LRRTM4: variants seen among roughly 807,000 people sequenced by gnomAD.
The protein encoded by LRRTM4 is leucine rich repeat transmembrane neuronal 4, also known as leucine-rich repeat transmembrane neuronal protein 4.
A neutral mutation model predicts 47.6 loss-of-function variants in LRRTM4; 25 were observed. That is an observed-to-expected ratio of 0.53 (90% CI 0.38 to 0.73). The LOEUF (loss-of-function observed/expected upper bound fraction) is 0.73. Among genes scored for constraint, LRRTM4 ranks in the 30% least tolerant of loss-of-function variants. The pLI, the probability that LRRTM4 is intolerant of heterozygous loss-of-function variation, is 0.00. For synonymous variants in LRRTM4, 311 were observed against 269.5 expected (o/e 1.15, Z -1.51); for missense variants, 638 against 713.4 (o/e 0.89, Z 1.20).
At chr2:77,222,768 TACCAGAGGTAGA>T (rs1387229241) in intron 3 of LRRTM4, among the ~76,000 whole-genome samples, 12 of 152,206 alleles carry the variant, frequency 7.9e-5, no homozygotes, top group Non-Finnish European at 1.6e-4. Flanking sequence ...AGCCGAATTC[TACCAGAGGTAGA>T]AGGAGGAGCT....
intron 3 of LRRTM4, among the ~76,000 whole-genome samples, chr2:77,250,970 G>T (rs1675585784): frequency 6.6e-6 from 1 of 151,918 alleles, no homozygotes; most frequent in Non-Finnish European, 1.5e-5. Context: ...GGGCATGGTG[G>T]TGCATGCCTG....
chr2:77,145,948 T>A (rs1672251119), intron 3 of LRRTM4, among the ~76,000 whole-genome samples: 1 of 152,142 alleles, frequency 6.6e-6, no homozygotes, highest in South Asian at 2.1e-4. Flanking sequence ...TTTGTCAAAT[T>A]CCATCACTGT....
rs552690739 is a variant in LRRTM4 at position 77,001,548 on chromosome 2, G to T, written c.1552-252632C>A. ...ATACTTCTTTATGGATAGAAGGCAA[G>T]AACAGAATCAATAAACAGCGCAAAA... On this transcript the variant is annotated intron_variant, in intron 3 of 3. Transcript: ENST00000409884. Among the ~76,000 whole-genome samples, 10 of 152,228 alleles carry T rather than the reference G, an allele frequency of 6.6e-5. No homozygotes were observed. The East Asian group carries it at 1.5e-3, about 24-fold the overall frequency.
At chr2:77,362,158 A>AAGGAAGGAAGGAAGG (rs1558707399) in intron 3 of LRRTM4, among the ~76,000 whole-genome samples, 5 of 136,464 alleles carry the variant, frequency 3.7e-5, no homozygotes, top group African/African-American at 1.8e-4. Flanking sequence ...AGAAAGAAAG[A>AAGGAAGGAAGGAAGG]AAGAAAGAAA....
At chr2:76,861,078 ACT>A (rs1403293514) in intron 3 of LRRTM4, among the ~76,000 whole-genome samples, 4 of 152,074 alleles carry the variant, frequency 2.6e-5, no homozygotes, top group Non-Finnish European at 5.9e-5. Context: ...GATCTTACTT[ACT>A]ATTTACTGGT....
intron 3 of LRRTM4, among the ~76,000 whole-genome samples, chr2:77,041,272 A>C (rs1679023798): frequency 6.6e-6 from 1 of 151,596 alleles, no homozygotes; most frequent in African/African-American, 2.4e-5. Context: ...CTTATGGCCA[A>C]ATAGTATTTT....
At chr2:77,337,745 T>TA (rs1329169532) in intron 3 of LRRTM4, among the ~76,000 whole-genome samples, 1 of 152,060 alleles carries the variant, frequency 6.6e-6, no homozygotes, top group Non-Finnish European at 1.5e-5. Flanking sequence ...CAGTCTCCGG[T>TA]ATTTCTTTAT....
At position 77,002,728 on chromosome 2, in the gene LRRTM4, C is replaced by A. The variant is rs113151718; in HGVS notation, c.1552-253812G>T. Reference sequence around the variant, plus strand: ...TGCTTCCTTGGTGTCCTTGCTCTCACCTCCTCCCAAGATTGTCTTTTTCTC... The same window carrying A: ...TGCTTCCTTGGTGTCCTTGCTCTCAACTCCTCCCAAGATTGTCTTTTTCTC... On this transcript the variant is annotated intron_variant, in intron 3 of 3. Coordinates refer to ENST00000409884, the MANE Select transcript of LRRTM4 (RefSeq NM_001134745.3). Among the ~76,000 whole-genome samples the A allele has an allele frequency of 3.3e-5, 5 of 152,226 alleles. 1 individual carries two copies. Among genetic ancestry groups the A allele is most frequent in the African/African-American group, 1.2e-4 (5 of 41,542 alleles).
At chr2:77,168,676 C>T (rs976073448) in intron 3 of LRRTM4, among the ~76,000 whole-genome samples, 8 of 152,094 alleles carry the variant, frequency 5.3e-5, no homozygotes, top group African/African-American at 1.9e-4. Flanking sequence ...TGTTTGTACT[C>T]ATTAACCAAC....
At chr2:77,463,377 G>A (rs747160960) in intron 3 of LRRTM4, among the ~76,000 whole-genome samples, 1 of 152,004 alleles carries the variant, frequency 6.6e-6, no homozygotes, top group Non-Finnish European at 1.5e-5. Context: ...GTATTTTCAT[G>A]AATACGCTGT....
At chr2:77,451,588 T>C (rs1408213024) in intron 3 of LRRTM4, among the ~76,000 whole-genome samples, 3 of 152,244 alleles carry the variant, frequency 2.0e-5, no homozygotes, top group African/African-American at 7.2e-5. Context: ...AGGTCTACAC[T>C]ATACTTGTAA....
intron 3 of LRRTM4, among the ~76,000 whole-genome samples, chr2:77,162,463 G>A (rs1049054341): frequency 1.3e-5 from 2 of 152,176 alleles, no homozygotes; most frequent in African/African-American, 2.4e-5. Flanking sequence ...TGACAGCTTT[G>A]AAGAGAGTAA....
At chr2:77,339,757 C>T (rs1318708413) in intron 3 of LRRTM4, among the ~76,000 whole-genome samples, 6 of 151,874 alleles carry the variant, frequency 4.0e-5, no homozygotes. Context: ...AGCTACATAT[C>T]CTTTTTCATA....
At chr2:77,007,051 G>A (rs2104048345) in intron 3 of LRRTM4, among the ~76,000 whole-genome samples, 1 of 151,916 alleles carries the variant, frequency 6.6e-6, no homozygotes, top group Admixed American at 6.6e-5. Context: ...TTTATTGTAT[G>A]AACAGTTTGA....
chr2:76,911,946 G>A (rs971126371), intron 3 of LRRTM4, among the ~76,000 whole-genome samples: 4 of 124,330 alleles, frequency 3.2e-5, no homozygotes, highest in East Asian at 2.2e-4. Flanking sequence ...GGGGGGGGGG[G>A]GGGGACAGAG....
chr2:77,031,838 A>C (rs10172719), intron 3 of LRRTM4, among the ~76,000 whole-genome samples: 84,814 of 151,846 alleles, frequency 0.56, 26,011 homozygotes, highest in African/African-American at 0.82. Flanking sequence ...TAGAGATATG[A>C]CTGTCTGCCT....
intron 3 of LRRTM4, among the ~76,000 whole-genome samples, chr2:76,853,795 T>G (rs1389589346): frequency 1.3e-5 from 2 of 152,166 alleles, no homozygotes; most frequent in East Asian, 1.9e-4. Flanking sequence ...TACAGAATTG[T>G]GTTTTTCTGT....
intron 3 of LRRTM4, among the ~76,000 whole-genome samples, chr2:76,789,432 T>C (rs897754599): frequency 2.0e-5 from 3 of 152,178 alleles, no homozygotes; most frequent in African/African-American, 7.2e-5. Context: ...AAAGAGTAAC[T>C]CGAACACCAT....
At chr2:77,262,300 C>G (rs1367523327) in intron 3 of LRRTM4, among the ~76,000 whole-genome samples, 2 of 152,044 alleles carry the variant, frequency 1.3e-5, no homozygotes, top group Admixed American at 6.6e-5. Flanking sequence ...ACCATTCCCC[C>G]ACCCCAGTCC....
Sources: gnomAD v4.1 joint callset for allele counts (sites outside exome capture counted in the v4.1 genomes callset) on GRCh38, gnomAD v4.1.1 for gene constraint, MANE v1.5 for transcripts, NCBI Gene and HGNC (gene_info 2026-07-23, HGNC 2026-07-21) for gene names.